STAG1: variants seen among roughly 807,000 people sequenced by gnomAD.
STAG1 encodes cohesin subunit SA-1.
STAG1 carries 26 observed loss-of-function variants against 170.9 expected under a neutral mutation model. The ratio of observed to expected loss-of-function variants is 0.15; its 90% confidence interval spans 0.11 to 0.21. The LOEUF (loss-of-function observed/expected upper bound fraction) is 0.21. STAG1 is among the 10% of genes least tolerant of loss of function. STAG1 has a pLI of 1.00. For synonymous variants in STAG1, 514 were observed against 497.7 expected (o/e 1.03, Z -0.44); for missense variants, 964 against 1,509.5 (o/e 0.64, Z 5.99).
chr3:136,386,605 A>C (rs181929811), intron 22 of STAG1, among the ~76,000 whole-genome samples: 3 of 152,302 alleles, frequency 2.0e-5, no homozygotes, highest in Admixed American at 2.0e-4. Context: ...ACACAAAAAC[A>C]GAAGTATATA....
chr3:136,441,179 C>T (rs2088620429), intron 15 of STAG1, among the ~76,000 whole-genome samples: 1 of 151,872 alleles, frequency 6.6e-6, no homozygotes, highest in Non-Finnish European at 1.5e-5. Flanking sequence ...ATTACAAGTG[C>T]CCGCCACCAA....
intron 1 of STAG1, among the ~76,000 whole-genome samples, chr3:136,751,514 C>T (rs918564923): frequency 1.3e-5 from 2 of 151,998 alleles, no homozygotes; most frequent in Admixed American, 6.6e-5. Context: ...GGCCTGGACA[C>T]GTTTCACAAG....
chr3:136,613,014 G>A (rs1939381324), intron 3 of STAG1, among the ~76,000 whole-genome samples: 1 of 152,030 alleles, frequency 6.6e-6, no homozygotes, highest in African/African-American at 2.4e-5. Context: ...AGAAATGAGA[G>A]TTTCTGGGCC....
At chr3:136,612,100 G>A (rs1324941737) in intron 3 of STAG1, among the ~76,000 whole-genome samples, 1 of 151,968 alleles carries the variant, frequency 6.6e-6, no homozygotes, top group African/African-American at 2.4e-5. Flanking sequence ...GCCCGCCTCG[G>A]CCTCCCAAAG....
chr3:136,688,485 C>T (rs760390259), intron 1 of STAG1, among the ~76,000 whole-genome samples: 18 of 151,990 alleles, frequency 1.2e-4, no homozygotes, highest in African/African-American at 2.2e-4. Context: ...CTAAAACCTC[C>T]GCCTCAAGCA....
Position 136,712,058 on chromosome 3 carries a change from G to A in STAG1, c.-84+40137C>T, listed in dbSNP as rs55891699. On this transcript the variant is annotated intron_variant, in intron 1 of 33. Coordinates refer to ENST00000383202, the MANE Select transcript of STAG1 (RefSeq NM_005862.3). ...TTTTGAGATGGACTCTTGCTCTGTC[G>A]CCAGGCTGGAATGCAGTGGCATGAT... is the stretch of plus-strand genomic sequence containing the variant. 5.7e-3 allele frequency among the ~76,000 whole-genome samples: 860 copies of A among 152,136 alleles called. 9 individuals are homozygous for A. The highest frequency in any genetic ancestry group is 0.02 in the African/African-American group (825 of 41,516).
intron 1 of STAG1, among the ~76,000 whole-genome samples, chr3:136,661,773 G>A (rs1022910061): frequency 1.3e-5 from 2 of 152,210 alleles, no homozygotes; most frequent in African/African-American, 4.8e-5. Context: ...ACTAATAGCT[G>A]TTGTCTCTTA....
At chr3:136,751,974 C>A (rs935300575) in intron 1 of STAG1, among the ~76,000 whole-genome samples, 1 of 150,822 alleles carries the variant, frequency 6.6e-6, no homozygotes, top group Non-Finnish European at 1.5e-5. Flanking sequence ...ACAGACGTCT[C>A]TCCGGGCACT....
At chr3:136,750,262 T>C (rs1267394225) in intron 1 of STAG1, among the ~76,000 whole-genome samples, 3 of 152,196 alleles carry the variant, frequency 2.0e-5, no homozygotes, top group Non-Finnish European at 4.4e-5. Context: ...GGGTTCCTCC[T>C]GCCTCACTAC....
At chr3:136,598,723 G>A (rs1355956089) in intron 4 of STAG1, among the ~76,000 whole-genome samples, 3 of 151,944 alleles carry the variant, frequency 2.0e-5, no homozygotes, top group African/African-American at 7.3e-5. Flanking sequence ...CACCGCGCCC[G>A]GCCAATACAA....
chr3:136,611,844 T>A (rs535655512), intron 3 of STAG1, among the ~76,000 whole-genome samples: 22 of 151,150 alleles, frequency 1.5e-4, no homozygotes, highest in African/African-American at 4.6e-4. Flanking sequence ...TAAGGTTATG[T>A]GTGGAATTTT....
intron 15 of STAG1, 84 bp from the exon 16 acceptor site, chr3:136,433,743 T>C: frequency 1.1e-6 from 1 of 916,798 alleles, no homozygotes; most frequent in Non-Finnish European, 1.7e-6. Flanking sequence ...TTAAAAAAAC[T>C]GAAAACATTC....
At chr3:136,705,127 G>A (rs1315998226) in intron 1 of STAG1, among the ~76,000 whole-genome samples, 2 of 152,096 alleles carry the variant, frequency 1.3e-5, no homozygotes, top group African/African-American at 4.8e-5. Context: ...TGTAATCCCA[G>A]CACTTTGGGA....
chr3:136,340,383 A>T, intron 32 of STAG1, 108 bp downstream of exon 32: 1 of 690,044 alleles, frequency 1.4e-6, no homozygotes, highest in African/African-American at 1.8e-5. Context: ...CAGCCTCCCA[A>T]AGTGCTGGGA....
At chr3:136,602,516 T>C (rs534205066) in intron 4 of STAG1, among the ~76,000 whole-genome samples, 2 of 152,116 alleles carry the variant, frequency 1.3e-5, no homozygotes, top group Admixed American at 6.6e-5. Context: ...AAAAGGTCTT[T>C]AAAATTAATG....
At chr3:136,653,355 G>C (rs1267638330) in intron 1 of STAG1, among the ~76,000 whole-genome samples, 1 of 151,974 alleles carries the variant, frequency 6.6e-6, no homozygotes, top group African/African-American at 2.4e-5. Context: ...AAATTTGATT[G>C]TATTAAAATA....
At chr3:136,691,824 T>A (rs1461212576) in intron 1 of STAG1, among the ~76,000 whole-genome samples, 1 of 152,170 alleles carries the variant, frequency 6.6e-6, no homozygotes, top group Non-Finnish European at 1.5e-5. Flanking sequence ...ACTAAGTAGA[T>A]CATCTACATA....
At chr3:136,390,190 A>T (rs2086971812) in intron 22 of STAG1, among the ~76,000 whole-genome samples, 1 of 152,082 alleles carries the variant, frequency 6.6e-6, no homozygotes. Flanking sequence ...ATATCTAGGG[A>T]CTCAGGAACA....
chr3:136,367,094 T>C lies in STAG1; in HGVS notation c.2546-12A>G. ...TTCTTCATCACCCTCTAAACACAGA[T>C]TACAAATTGGTTATGAATTCTGGTA... On this transcript the variant is annotated splice_polypyrimidine_tract_variant and intron_variant, in intron 24 of 33. Transcript: ENST00000383202. The C allele has an allele frequency of 6.3e-7, 1 of 1,584,994 alleles. No homozygotes were observed. Among genetic ancestry groups the C allele is most frequent in the Non-Finnish European group, 8.6e-7 (1 of 1,160,866 alleles).
Sources: gnomAD v4.1 joint callset for allele counts (sites outside exome capture counted in the v4.1 genomes callset) on GRCh38, gnomAD v4.1.1 for gene constraint, MANE v1.5 for transcripts, NCBI Gene and HGNC (gene_info 2026-07-23, HGNC 2026-07-21) for gene names.